SIPA1L1: variants seen among roughly 807,000 people sequenced by gnomAD.
The protein encoded by SIPA1L1 is signal induced proliferation associated 1 like 1.
Under a neutral mutation model 162.7 loss-of-function variants are expected in SIPA1L1, and 26 were observed. That is an observed-to-expected ratio of 0.16 (90% CI 0.12 to 0.22). The LOEUF (loss-of-function observed/expected upper bound fraction) is 0.22, where lower values mean the gene tolerates loss of function less well. SIPA1L1 is among the 10% of genes least tolerant of loss of function. The probability of loss-of-function intolerance (pLI) is 1.00; values close to 1 mark genes in which losing one functional copy is unlikely to be tolerated. For synonymous variants in SIPA1L1, 829 were observed against 837.4 expected, an observed-to-expected ratio of 0.99 and a Z score of 0.17; for missense variants, 1,874 against 2,241.0, an observed-to-expected ratio of 0.84 and a Z score of 3.31.
chr14:71,576,711 T>C (rs774522161), intron 4 of SIPA1L1: 5 of 152,132 alleles, frequency 3.3e-5, no homozygotes, highest in Non-Finnish European at 7.4e-5. Context: ...TTTCCTTCTG[T>C]TAATATAAGA....
intron 13 of SIPA1L1, among the ~76,000 whole-genome samples, chr14:71,687,826 G>A (rs2080981377): frequency 6.6e-6 from 1 of 152,116 alleles, no homozygotes; most frequent in South Asian, 2.1e-4. Context: ...AGAGTAGCTT[G>A]TGACTCTCTA....
chr14:71,565,550 T>C (rs1384040822), intron 4 of SIPA1L1, among the ~76,000 whole-genome samples: 1 of 152,224 alleles, frequency 6.6e-6, no homozygotes, highest in African/African-American at 2.4e-5. Context: ...AATATAATAA[T>C]ATAATCTGTA....
intron 2 of SIPA1L1, among the ~76,000 whole-genome samples, chr14:71,427,785 C>T (rs1017485490): frequency 6.6e-5 from 10 of 152,060 alleles, no homozygotes; most frequent in South Asian, 2.1e-4. Flanking sequence ...TGAATATTTT[C>T]ATTTTGCTTA....
At chr14:71,411,019 A>G (rs2042366066) in intron 2 of SIPA1L1, among the ~76,000 whole-genome samples, 1 of 152,116 alleles carries the variant, frequency 6.6e-6, no homozygotes, top group Admixed American at 6.6e-5. Flanking sequence ...ACTAATTTTC[A>G]TATTTCTCAG....
chr14:71,716,558 A>G (rs1201909567), intron 17 of SIPA1L1, among the ~76,000 whole-genome samples: 2 of 152,222 alleles, frequency 1.3e-5, no homozygotes, highest in Non-Finnish European at 2.9e-5. Context: ...TTCACAGGAT[A>G]TGATGATCTC....
At chr14:71,649,650 G>A (rs1433095159) in intron 7 of SIPA1L1, among the ~76,000 whole-genome samples, 1 of 152,168 alleles carries the variant, frequency 6.6e-6, no homozygotes. Context: ...CTGCATTTGA[G>A]GAAGAAATAT....
chr14:71,640,670 G>A (rs544839323), intron 7 of SIPA1L1, among the ~76,000 whole-genome samples: 2 of 152,132 alleles, frequency 1.3e-5, no homozygotes, highest in Non-Finnish European at 2.9e-5. Flanking sequence ...TATTGCCCAG[G>A]CTGGAGTGCA....
chr14:71,709,227 T>G lies in SIPA1L1; in HGVS notation c.3771T>G (p.Asp1257Glu). The change falls in exon 17 of 24, where the codon GAT becomes GAG. Residue 1257 changes from aspartate to glutamate, a missense_variant. Coordinates refer to ENST00000381232, the MANE Select transcript of SIPA1L1 (RefSeq NM_001386936.1). ...AAATTCTGCTTCTCTTGCAGTCTGATAGCCACTACTCGAGCCACTCCAGTA... is the reference window on the plus strand; with the variant it reads ...AAATTCTGCTTCTCTTGCAGTCTGAGAGCCACTACTCGAGCCACTCCAGTA... ...HLSPNKQGHS[D>E]SHYSSHSSSN... 1 of 1,609,614 alleles carries G rather than the reference T, an allele frequency of 6.2e-7. No homozygotes were observed. The highest frequency in any genetic ancestry group is 8.5e-7 in the Non-Finnish European group (1 of 1,177,012).
chr14:71,425,067 A>G (rs1290206876), intron 2 of SIPA1L1, among the ~76,000 whole-genome samples: 1 of 151,992 alleles, frequency 6.6e-6, no homozygotes, highest in African/African-American at 2.4e-5. Context: ...GTGCACTCTT[A>G]TAAGCCTTTT....
At chr14:71,578,629 A>G (rs148476601) in intron 4 of SIPA1L1, among the ~76,000 whole-genome samples, 1 of 152,236 alleles carries the variant, frequency 6.6e-6, no homozygotes, top group African/African-American at 2.4e-5. Context: ...AAGTAAACTA[A>G]TGAAGAGAAA....
chr14:71,320,876 A>G (rs917935467), intron 1 of SIPA1L1, among the ~76,000 whole-genome samples: 7 of 151,764 alleles, frequency 4.6e-5, no homozygotes, highest in Non-Finnish European at 7.4e-5. Context: ...GTTGATGCCC[A>G]AGGACGGGGC....
intron 4 of SIPA1L1, among the ~76,000 whole-genome samples, chr14:71,580,757 G>A (rs1366817468): frequency 6.6e-6 from 1 of 152,038 alleles, no homozygotes; most frequent in Non-Finnish European, 1.5e-5. Flanking sequence ...GTATTTAAAC[G>A]TGTGGTCATC....
At chr14:71,403,173 T>A (rs529073859) in intron 2 of SIPA1L1, among the ~76,000 whole-genome samples, 2 of 152,374 alleles carry the variant, frequency 1.3e-5, no homozygotes, top group African/African-American at 4.8e-5. Flanking sequence ...ACTTTTCATG[T>A]ACTTCTCTGC....
At chr14:71,619,616 T>G (rs1209111134) in intron 6 of SIPA1L1, among the ~76,000 whole-genome samples, 3 of 152,194 alleles carry the variant, frequency 2.0e-5, no homozygotes, top group Non-Finnish European at 2.9e-5. Context: ...TAAACTTGTA[T>G]AATTGGGCCA....
chr14:71,329,340 G>A (rs567304758), intron 2 of SIPA1L1, among the ~76,000 whole-genome samples: 15 of 149,966 alleles, frequency 1.0e-4, no homozygotes, highest in Admixed American at 5.3e-4. Context: ...ACTGTTTTTC[G>A]TAGTTGTACC....
intron 2 of SIPA1L1, among the ~76,000 whole-genome samples, chr14:71,494,624 T>C (rs1054916317): frequency 6.6e-6 from 1 of 151,316 alleles, no homozygotes; most frequent in Non-Finnish European, 1.5e-5. Context: ...CCTCCTAGGA[T>C]CAAGCGATCC....
At chr14:71,550,353 CT>C (rs758768507) in intron 4 of SIPA1L1, among the ~76,000 whole-genome samples, 1 of 152,062 alleles carries the variant, frequency 6.6e-6, no homozygotes, top group Non-Finnish European at 1.5e-5. Flanking sequence ...AGGAGAGGAC[CT>C]CAGAAAAGGT....
At chr14:71,619,583 T>G (rs2039206552) in intron 6 of SIPA1L1, among the ~76,000 whole-genome samples, 1 of 152,158 alleles carries the variant, frequency 6.6e-6, no homozygotes, top group Non-Finnish European at 1.5e-5. Flanking sequence ...AGTTTGGGAC[T>G]ATGAGGTTCT....
intron 4 of SIPA1L1, among the ~76,000 whole-genome samples, chr14:71,532,096 T>C (rs1199706758): frequency 6.6e-6 from 1 of 152,216 alleles, no homozygotes; most frequent in Non-Finnish European, 1.5e-5. Context: ...TTTTTTCCCC[T>C]TTAATTTATA....
Sources: allele counts gnomAD v4.1 joint callset (sites outside exome capture counted in the v4.1 genomes callset), GRCh38; gene constraint gnomAD v4.1.1; transcripts MANE v1.5; gene names NCBI Gene and HGNC (gene_info 2026-07-23, HGNC 2026-07-21).